Variants in XYLT1 observed in about 807,000 individuals in gnomAD.
XYLT1 encodes beta-D-xylosyltransferase 1.
In XYLT1, 36 loss-of-function variants were observed where a neutral mutation model predicts 91.3. That is an observed-to-expected ratio of 0.39 (90% CI 0.30 to 0.52). The LOEUF (loss-of-function observed/expected upper bound fraction) is 0.52, where lower values mean the gene tolerates loss of function less well. Among genes scored for constraint, XYLT1 ranks in the 20% least tolerant of loss-of-function variants. XYLT1 has a pLI of 0.68. For synonymous variants in XYLT1, 588 were observed against 532.0 expected (o/e 1.11, Z -1.45); for missense variants, 1,242 against 1,284.5 (o/e 0.97, Z 0.51).
intron 3 of XYLT1, among the ~76,000 whole-genome samples, chr16:17,237,191 A>C (rs2033262029): frequency 1.3e-5 from 2 of 152,224 alleles, no homozygotes; most frequent in South Asian, 4.1e-4. Context: ...ATAAAGTAGA[A>C]ATACTGGTAT....
chr16:17,468,797 C>G (rs1477783929), intron 1 of XYLT1, among the ~76,000 whole-genome samples: 2 of 152,130 alleles, frequency 1.3e-5, no homozygotes, highest in Non-Finnish European at 2.9e-5. Context: ...AGGCTTCCCC[C>G]ACCATGTCTC....
intron 2 of XYLT1, among the ~76,000 whole-genome samples, chr16:17,280,571 A>G: frequency 6.6e-6 from 1 of 152,218 alleles, no homozygotes; most frequent in East Asian, 1.9e-4. Flanking sequence ...GTTATGTTTT[A>G]TTCAATTATT....
intron 5 of XYLT1, among the ~76,000 whole-genome samples, chr16:17,166,476 C>T (rs542389107): frequency 5.3e-5 from 8 of 151,964 alleles, no homozygotes; most frequent in South Asian, 4.2e-4. Flanking sequence ...TCAGCACAGA[C>T]AGTACCTGCC....
intron 2 of XYLT1, among the ~76,000 whole-genome samples, chr16:17,336,481 T>A (rs974367485): frequency 6.6e-6 from 1 of 152,148 alleles, no homozygotes; most frequent in Admixed American, 6.5e-5. Flanking sequence ...AGTGAGAAGA[T>A]GTTGACTCTG....
intron 11 of XYLT1, among the ~76,000 whole-genome samples, chr16:17,116,470 G>A (rs898713069): frequency 5.9e-5 from 9 of 152,154 alleles, no homozygotes; most frequent in Non-Finnish European, 8.8e-5. Context: ...TCAACACTAT[G>A]TTTTAGGGAC....
intron 3 of XYLT1, among the ~76,000 whole-genome samples, chr16:17,206,662 G>A (rs1209543966): frequency 1.3e-5 from 2 of 152,204 alleles, no homozygotes; most frequent in East Asian, 1.9e-4. Flanking sequence ...CTTGAGTCCA[G>A]GAGTTCGAGG....
At chr16:17,190,279 T>C (rs534801622) in intron 5 of XYLT1, among the ~76,000 whole-genome samples, 1 of 152,340 alleles carries the variant, frequency 6.6e-6, no homozygotes, top group South Asian at 2.1e-4. Context: ...TTTTATGTTA[T>C]ATAAATTTCA....
chr16:17,470,555 C>A lies in XYLT1; in HGVS notation c.242G>T (p.Gly81Val). The change falls in exon 1 of 12, where the codon GGA becomes GTA. Residue 81 changes from glycine to valine, a missense_variant. Physicochemically the swap from Gly to Val is moderately radical, Grantham distance 109 (BLOSUM62 -3). Coordinates refer to ENST00000261381, the MANE Select transcript of XYLT1 (RefSeq NM_022166.4). ...PAEPAAARGG[G>V]GGGGGGGGGR... is the part of the protein sequence containing the mutation. ...TCCTCCTCCTCCGCCGCCGCCTCCT[C>A]CTCCTCCTCGGGCTGCAGCCGGCTC... 8.2e-7 allele frequency: 1 copy of A among 1,218,168 alleles called. No individual in the cohort carries two copies. Among genetic ancestry groups the A allele is most frequent in the Non-Finnish European group, 1.0e-6 (1 of 979,720 alleles). 75.5% of individuals were successfully genotyped at this position (1,218,168 alleles called of 1,614,324 possible). A position where few individuals can be genotyped will look rare whatever the true frequency, so the allele number is the denominator to read the frequency against.
intron 1 of XYLT1, among the ~76,000 whole-genome samples, chr16:17,370,486 A>G (rs1450965995): frequency 6.6e-6 from 1 of 152,184 alleles, no homozygotes; most frequent in Non-Finnish European, 1.5e-5. Context: ...GGAGGGCAGG[A>G]TGAGAAAGAG....
chr16:17,151,189 G>A (rs1247123420), intron 6 of XYLT1, among the ~76,000 whole-genome samples: 1 of 152,154 alleles, frequency 6.6e-6, no homozygotes, highest in South Asian at 2.1e-4. Flanking sequence ...ACTTTGGGAG[G>A]CCGAGGCAGG....
Position 17,161,933 on chromosome 16 carries a change from T to C in XYLT1, c.1290-3024A>G, listed in dbSNP as rs75501168. On this transcript the variant is annotated intron_variant, in intron 5 of 11. Transcript: ENST00000261381. Reference sequence around the variant, plus strand: ...AGTCTCTGCTGAAATAAGTAAGAAATAAATGTTAAAATAAACTTACTGGGA... The same window carrying C: ...AGTCTCTGCTGAAATAAGTAAGAAACAAATGTTAAAATAAACTTACTGGGA... Among the ~76,000 whole-genome samples the C allele has an allele frequency of 8.4e-3, 1,276 of 152,084 alleles. 18 individuals are homozygous for C. The highest frequency in any genetic ancestry group is 0.028 in the African/African-American group (1,175 of 41,488).
chr16:17,346,844 C>A (rs2035150740), intron 2 of XYLT1, among the ~76,000 whole-genome samples: 1 of 152,164 alleles, frequency 6.6e-6, no homozygotes, highest in Non-Finnish European at 1.5e-5. Context: ...GTCCTCGACC[C>A]CACCCATCTG....
chr16:17,201,086 GTTTGT>G (rs1254517006), intron 3 of XYLT1, among the ~76,000 whole-genome samples: 5 of 152,160 alleles, frequency 3.3e-5, no homozygotes, highest in African/African-American at 9.7e-5. Flanking sequence ...CCAATATATT[GTTTGT>G]TTTAACGGTG....
rs147585749 is a variant in XYLT1 at position 17,343,617 on chromosome 16, C to T, written c.402+14395G>A. ...TCCCGAGTAGCTGGGACTAAAAGCA[C>T]GGGCCACTACACGCAGATTATGTTT... On this transcript the variant is annotated intron_variant, in intron 2 of 11. Transcript: ENST00000261381. Among the ~76,000 whole-genome samples the T allele has an allele frequency of 5.3e-3, 804 of 152,228 alleles. 9 individuals are homozygous for T. Among genetic ancestry groups the T allele is most frequent in the African/African-American group, 0.019 (774 of 41,532 alleles).
intron 7 of XYLT1, among the ~76,000 whole-genome samples, chr16:17,140,658 C>CAAAAAA (rs71137974): frequency 2.9e-5 from 2 of 68,004 alleles, no homozygotes; most frequent in African/African-American, 1.2e-4. Flanking sequence ...AAGACTGTCT[C>CAAAAAA]AAAAAAAAAA....
Position 17,131,099 on chromosome 16 carries a change from T to C in XYLT1, c.2028-3238A>G, listed in dbSNP as rs115898051. ...CTGGTCCGCCTGGATCAAGGCTGAATTCTCCGTGCCTAACACACAGGCTGA... is the reference window on the plus strand; with the variant it reads ...CTGGTCCGCCTGGATCAAGGCTGAACTCTCCGTGCCTAACACACAGGCTGA... On this transcript the variant is annotated intron_variant, in intron 9 of 11. Coordinates refer to ENST00000261381, the MANE Select transcript of XYLT1 (RefSeq NM_022166.4). Among the ~76,000 whole-genome samples, 615 of 152,296 alleles carry C rather than the reference T, an allele frequency of 4.0e-3. 3 individuals are homozygous for C. The highest frequency in any genetic ancestry group is 0.014 in the African/African-American group (581 of 41,562).
At chr16:17,316,229 T>C (rs182130119) in intron 2 of XYLT1, among the ~76,000 whole-genome samples, 62 of 152,170 alleles carry the variant, frequency 4.1e-4, no homozygotes, top group Non-Finnish European at 7.1e-4. Context: ...AGAAGAGATA[T>C]TTACACATGT....
chr16:17,292,886 A>G (rs989733547), intron 2 of XYLT1, among the ~76,000 whole-genome samples: 4 of 152,116 alleles, frequency 2.6e-5, no homozygotes, highest in African/African-American at 9.7e-5. Context: ...CATCCACTTC[A>G]TCTCAGCCCT....
At chr16:17,327,343 CCTTTT>C (rs1208939637) in intron 2 of XYLT1, among the ~76,000 whole-genome samples, 10 of 148,908 alleles carry the variant, frequency 6.7e-5, no homozygotes, top group Non-Finnish European at 1.2e-4. Context: ...GCAACAACTT[CCTTTT>C]CTTTTCTTTT....
Sources: allele counts gnomAD v4.1 joint callset (sites outside exome capture counted in the v4.1 genomes callset), GRCh38; gene constraint gnomAD v4.1.1; transcripts MANE v1.5; gene names NCBI Gene and HGNC (gene_info 2026-07-23, HGNC 2026-07-21).